The following TENM2 variants were observed in gnomAD, a reference collection of about 807,000 sequenced individuals.
The protein encoded by TENM2 is teneurin transmembrane protein 2, also known as teneurin-2.
Under a neutral mutation model 245.2 loss-of-function variants are expected in TENM2, and 52 were observed. The ratio of observed to expected loss-of-function variants is 0.21; its 90% confidence interval spans 0.17 to 0.27. TENM2 has a LOEUF of 0.27. Among genes scored for constraint, TENM2 ranks in the 10% least tolerant of loss-of-function variants. TENM2 has a pLI of 1.00. For missense variants in TENM2, 3,046 were observed against 3,666.8 expected (o/e 0.83, Z 4.37); for synonymous variants, 1,363 against 1,438.9 (o/e 0.95, Z 1.19).
chr5:167,128,805 G>A, the TENM2 span, among the ~76,000 whole-genome samples: 1 of 152,178 alleles, frequency 6.6e-6, no homozygotes, highest in African/African-American at 2.4e-5. Flanking sequence ...CCAGAACAGA[G>A]ATCATGTTAC....
intron 2 of TENM2, among the ~76,000 whole-genome samples, chr5:167,526,159 T>G (rs960583651): frequency 1.1e-4 from 17 of 152,006 alleles, no homozygotes; most frequent in African/African-American, 4.1e-4. Flanking sequence ...AATATTTGCA[T>G]AGCAATGTCT....
intron 5 of TENM2, among the ~76,000 whole-genome samples, chr5:168,014,875 G>A (rs1036173637): frequency 1.3e-5 from 2 of 152,248 alleles, no homozygotes; most frequent in South Asian, 2.1e-4. Context: ...GCATAATGGC[G>A]CCATTTCCAG....
chr5:167,703,425 G>A (rs549551601), intron 2 of TENM2, among the ~76,000 whole-genome samples: 30 of 151,828 alleles, frequency 2.0e-4, no homozygotes, highest in African/African-American at 6.5e-4. Flanking sequence ...CCAGCTACTC[G>A]GAAGGCTGAT....
the TENM2 span, among the ~76,000 whole-genome samples, chr5:167,034,457 C>A: frequency 6.6e-6 from 1 of 151,700 alleles, no homozygotes; most frequent in Non-Finnish European, 1.5e-5. Context: ...GGTGAAACCC[C>A]GTCTCTACTA....
At chr5:168,257,310 C>T (rs1282866901) in intron 27 of TENM2, among the ~76,000 whole-genome samples, 1 of 152,038 alleles carries the variant, frequency 6.6e-6, no homozygotes, top group Non-Finnish European at 1.5e-5. Flanking sequence ...TTGGCCTTAC[C>T]GGGCAGGCAG....
At chr5:168,060,703 GAA>G (rs1333092885) in intron 6 of TENM2, among the ~76,000 whole-genome samples, 1 of 152,142 alleles carries the variant, frequency 6.6e-6, no homozygotes, top group African/African-American at 2.4e-5. Context: ...ATATTTTAAA[GAA>G]AATAAGAGGG....
At chr5:167,677,401 CTT>C (rs570659400) in intron 2 of TENM2, among the ~76,000 whole-genome samples, 2 of 145,872 alleles carry the variant, frequency 1.4e-5, no homozygotes, top group South Asian at 2.2e-4. Flanking sequence ...AGAACAACTG[CTT>C]TTTTTTTTTC....
intron 3 of TENM2, among the ~76,000 whole-genome samples, chr5:167,876,947 T>C (rs1030137354): frequency 6.6e-6 from 1 of 152,202 alleles, no homozygotes; most frequent in South Asian, 2.1e-4. Flanking sequence ...TTGGGTGGAA[T>C]TGCCCTGGGC....
chr5:167,490,322 C>G (rs544646834), intron 2 of TENM2, among the ~76,000 whole-genome samples: 2 of 152,206 alleles, frequency 1.3e-5, no homozygotes, highest in African/African-American at 4.8e-5. Flanking sequence ...ACAGAAGAGT[C>G]TTCCTTATTT....
chr5:168,166,350 T>TA (rs1758304413), intron 13 of TENM2, among the ~76,000 whole-genome samples: 1 of 152,026 alleles, frequency 6.6e-6, no homozygotes. Context: ...CACTCTACTT[T>TA]AAAAAAAAGA....
At chr5:167,678,240 C>T (rs1756465970) in intron 2 of TENM2, among the ~76,000 whole-genome samples, 1 of 151,926 alleles carries the variant, frequency 6.6e-6, no homozygotes, top group Admixed American at 6.6e-5. Flanking sequence ...TCCTAATTCT[C>T]TACGATTAAC....
At chr5:167,083,972 G>T in the TENM2 span, among the ~76,000 whole-genome samples, 1 of 152,130 alleles carries the variant, frequency 6.6e-6, no homozygotes, top group African/African-American at 2.4e-5. Flanking sequence ...ACCTGAGGGT[G>T]CTAATCTAGC....
the TENM2 span, among the ~76,000 whole-genome samples, chr5:167,031,437 C>T: frequency 2.0e-5 from 3 of 152,162 alleles, no homozygotes; most frequent in African/African-American, 7.2e-5. Flanking sequence ...GTGCTTGAGT[C>T]AGTAGTTGGT....
At chr5:167,478,671 T>G (rs1029827310) in intron 2 of TENM2, among the ~76,000 whole-genome samples, 5 of 152,184 alleles carry the variant, frequency 3.3e-5, no homozygotes, top group Non-Finnish European at 5.9e-5. Context: ...GGCCACTGTT[T>G]TAAATAGCAC....
chr5:167,362,323 T>A lies in TENM2; in HGVS notation c.227-12875T>A, dbSNP rs550919717. ...GTATCTACATCCTAACTGTAATTGG[T>A]GATGAGGCAGTTGATTTAAAAGAAT... On this transcript the variant is annotated intron_variant, in intron 1 of 28. Coordinates refer to ENST00000518659, the Ensembl canonical transcript of TENM2. Among the ~76,000 whole-genome samples, 244 of 152,296 alleles carry A rather than the reference T, an allele frequency of 1.6e-3. 3 individuals carry two copies. Among genetic ancestry groups the A allele is most frequent in the South Asian group, 2.9e-3 (14 of 4,824 alleles).
chr5:167,163,268 T>C, the TENM2 span, among the ~76,000 whole-genome samples: 2 of 152,086 alleles, frequency 1.3e-5, no homozygotes, highest in Non-Finnish European at 2.9e-5. Context: ...CGCCTGGCTT[T>C]TGTTGTGGTG....
chr5:167,587,318 C>A (rs1775577017), intron 2 of TENM2, among the ~76,000 whole-genome samples: 2 of 152,132 alleles, frequency 1.3e-5, no homozygotes, highest in African/African-American at 2.4e-5. Flanking sequence ...TCAATATTAG[C>A]CTTTCATAAA....
At chr5:167,796,246 A>C (rs1363604742) in intron 2 of TENM2, among the ~76,000 whole-genome samples, 2 of 152,164 alleles carry the variant, frequency 1.3e-5, no homozygotes, top group Non-Finnish European at 2.9e-5. Context: ...GAATCTTATC[A>C]TGTGTTATCC....
At chr5:167,107,076 C>G in the TENM2 span, among the ~76,000 whole-genome samples, 1 of 142,196 alleles carries the variant, frequency 7.0e-6, no homozygotes, top group Non-Finnish European at 1.5e-5. Flanking sequence ...GAAACCCCAT[C>G]TCTACTAAAA....
Sources: gnomAD v4.1 joint callset for allele counts (sites outside exome capture counted in the v4.1 genomes callset) on GRCh38, gnomAD v4.1.1 for gene constraint, MANE v1.5 for transcripts, NCBI Gene and HGNC (gene_info 2026-07-23, HGNC 2026-07-21) for gene names.